The following COLEC12 variants were observed in gnomAD, a reference collection of about 807,000 sequenced individuals.
The protein encoded by COLEC12 is collectin-12.
Under a neutral mutation model 71.1 loss-of-function variants are expected in COLEC12, and 33 were observed. That is an observed-to-expected ratio of 0.46 (90% CI 0.35 to 0.62). The LOEUF is 0.62. Ranked by LOEUF, COLEC12 falls within the 20% of genes least tolerant of loss-of-function variation. The pLI, the probability that COLEC12 is intolerant of heterozygous loss-of-function variation, is 0.00. For missense variants in COLEC12, 765 were observed against 916.1 expected, an observed-to-expected ratio of 0.84 and a Z score of 2.13; for synonymous variants, 350 against 353.0, an observed-to-expected ratio of 0.99 and a Z score of 0.10.
At position 468,685 on chromosome 18, in the gene COLEC12, G is replaced by C. The variant is rs1468192653; in HGVS notation, c.58+12022C>G. Among the ~76,000 whole-genome samples, 4 of 152,100 alleles carry C rather than the reference G, an allele frequency of 2.6e-5. 1 individual carries two copies. Among genetic ancestry groups the C allele is most frequent in the Admixed American group, 1.3e-4 (2 of 15,262 alleles). ...TTATGGAGTACCTTTTAAGTGCCAG[G>C]CATTGTGCTAAGCACTCCACTTGCA... On this transcript the variant is annotated intron_variant, in intron 2 of 9. Coordinates refer to ENST00000400256, the MANE Select transcript of COLEC12 (RefSeq NM_130386.3).
At chr18:483,073 CA>C (rs1917454281) in intron 1 of COLEC12, among the ~76,000 whole-genome samples, 1 of 152,118 alleles carries the variant, frequency 6.6e-6, no homozygotes, top group South Asian at 2.1e-4. Context: ...TGGTGAAGCT[CA>C]GAATACTTGT....
chr18:390,628 T>C (rs578070077), intron 2 of COLEC12, among the ~76,000 whole-genome samples: 156 of 152,122 alleles, frequency 1.0e-3, no homozygotes, highest in Admixed American at 1.7e-3. Flanking sequence ...GGCATGCCGG[T>C]GTGTGCCTGT....
intron 2 of COLEC12, among the ~76,000 whole-genome samples, chr18:375,818 G>T (rs1057131809): frequency 6.6e-6 from 1 of 152,210 alleles, no homozygotes; most frequent in Non-Finnish European, 1.5e-5. Context: ...AAGATGGTTA[G>T]AACAGTATCT....
intron 2 of COLEC12, among the ~76,000 whole-genome samples, chr18:446,078 C>CT (rs972949111): frequency 9.2e-5 from 14 of 152,182 alleles, no homozygotes; most frequent in Non-Finnish European, 1.8e-4. Flanking sequence ...CAAATACTGC[C>CT]TTTTTTATGA....
At chr18:457,086 G>C (rs2143726022) in intron 2 of COLEC12, among the ~76,000 whole-genome samples, 1 of 152,314 alleles carries the variant, frequency 6.6e-6, no homozygotes, top group Non-Finnish European at 1.5e-5. Context: ...AGTGCAGCCA[G>C]GTAACTGCTC....
chr18:377,181 C>G (rs1915132131), intron 2 of COLEC12, among the ~76,000 whole-genome samples: 1 of 152,250 alleles, frequency 6.6e-6, no homozygotes, highest in Non-Finnish European at 1.5e-5. Context: ...AGTGAAGGCT[C>G]TTGGCTCCTG....
intron 2 of COLEC12, among the ~76,000 whole-genome samples, chr18:468,261 CAA>C (rs5822568): frequency 2.4e-5 from 3 of 125,618 alleles, no homozygotes; most frequent in Non-Finnish European, 1.6e-5. Flanking sequence ...GACTCCGTCT[CAA>C]AAAAAAAAAA....
chr18:360,787 G>C (rs1434132213), intron 2 of COLEC12, among the ~76,000 whole-genome samples: 1 of 152,156 alleles, frequency 6.6e-6, no homozygotes, highest in African/African-American at 2.4e-5. Flanking sequence ...TGAAGGTGAA[G>C]CTTGTAAAAT....
chr18:352,430 T>C (rs763199805), intron 3 of COLEC12, among the ~76,000 whole-genome samples: 1 of 152,096 alleles, frequency 6.6e-6, no homozygotes, highest in South Asian at 2.1e-4. Context: ...ATTTTAGTTT[T>C]GAAAAACAGA....
At position 321,813 on chromosome 18, in the gene COLEC12, A is replaced by G; in HGVS notation, c.2064-6T>C. The G allele has an allele frequency of 3.7e-6, 6 of 1,612,854 alleles. No homozygotes were observed. The highest frequency in any genetic ancestry group is 5.1e-6 in the Non-Finnish European group (6 of 1,179,562). ...GCTGTCCAGCTTTCCAATTTCTTTT[A>G]GCAAAACAGAAATTGAATGTTATTT... is the stretch of plus-strand genomic sequence containing the variant. On this transcript the variant is annotated splice_polypyrimidine_tract_variant and splice_region_variant and intron_variant, in intron 8 of 9. Transcript: ENST00000400256.
intron 2 of COLEC12, among the ~76,000 whole-genome samples, chr18:425,470 G>A (rs1395334771): frequency 6.6e-6 from 1 of 152,158 alleles, no homozygotes; most frequent in African/African-American, 2.4e-5. Context: ...GGAGTGTGCT[G>A]GGCCAGAGCT....
chr18:405,322 T>C (rs1181106517), intron 2 of COLEC12, among the ~76,000 whole-genome samples: 2 of 152,158 alleles, frequency 1.3e-5, no homozygotes, highest in Admixed American at 6.5e-5. Context: ...TGATCTTTGT[T>C]AGATGCTTAT....
intron 2 of COLEC12, among the ~76,000 whole-genome samples, chr18:406,190 G>A (rs11659550): frequency 6.6e-6 from 1 of 151,846 alleles, no homozygotes; most frequent in Non-Finnish European, 1.5e-5. Flanking sequence ...CCCTTGTTTA[G>A]CATATCATCA....
chr18:358,178 G>A (rs1173755294), intron 2 of COLEC12, among the ~76,000 whole-genome samples: 1 of 151,116 alleles, frequency 6.6e-6, no homozygotes, highest in Admixed American at 6.6e-5. Context: ...GTTCCAAAAA[G>A]GTAGGGGACC....
intron 2 of COLEC12, among the ~76,000 whole-genome samples, chr18:385,331 T>A (rs958292456): frequency 2.4e-4 from 36 of 148,012 alleles, no homozygotes; most frequent in Middle Eastern, 3.4e-3. Context: ...TTTTTTTTTT[T>A]TTTTTTTTTT....
Position 335,183 on chromosome 18 carries a change from G to T in COLEC12, c.1375C>A (p.Pro459Thr). 6.2e-7 allele frequency: 1 copy of T among 1,611,484 alleles called. No homozygotes were observed. Among genetic ancestry groups the T allele is most frequent in the Non-Finnish European group, 8.5e-7 (1 of 1,179,066 alleles). ...CCCTTGTTGCCAGTTGGGCCAGGGG[G>T]TCCCTGGGATCCTCTGTCACCTCTT... ...GPRGDRGSQGPPGPTGNKGQK... is the reference protein window; with the variant it reads ...GPRGDRGSQGTPGPTGNKGQK... Residue 459 changes from proline to threonine, a missense_variant, in exon 6 of 10, where the codon CCC becomes ACC. Physicochemically the swap from Pro to Thr is conservative, Grantham distance 38. Transcript: ENST00000400256.
intron 2 of COLEC12, among the ~76,000 whole-genome samples, chr18:368,408 A>T (rs1180879309): frequency 6.6e-6 from 1 of 151,980 alleles, no homozygotes; most frequent in African/African-American, 2.4e-5. Flanking sequence ...CCTTATCTCT[A>T]CTAAAAACAC....
At chr18:356,761 T>C (rs1914636332) in intron 3 of COLEC12, among the ~76,000 whole-genome samples, 1 of 152,196 alleles carries the variant, frequency 6.6e-6, no homozygotes, top group Admixed American at 6.5e-5. Context: ...CATGGGGAAC[T>C]TACTGTGTCT....
chr18:432,699 G>A (rs1480963652), intron 2 of COLEC12, among the ~76,000 whole-genome samples: 2 of 148,732 alleles, frequency 1.3e-5, no homozygotes, highest in African/African-American at 5.0e-5. Flanking sequence ...AGTTCACCAT[G>A]TGCTGCGAGC....
Sources: gnomAD v4.1 joint callset for allele counts (sites outside exome capture counted in the v4.1 genomes callset) on GRCh38, gnomAD v4.1.1 for gene constraint, MANE v1.5 for transcripts, NCBI Gene and HGNC (gene_info 2026-07-23, HGNC 2026-07-21) for gene names.